Variants in GRIA4 observed in about 807,000 individuals in gnomAD.
The protein encoded by GRIA4 is glutamate ionotropic receptor AMPA type subunit 4, also known as glutamate receptor 4.
Under a neutral mutation model 104.0 loss-of-function variants are expected in GRIA4, and 34 were observed. The ratio of observed to expected loss-of-function variants is 0.33; its 90% CI spans 0.25 to 0.44. GRIA4 has a LOEUF of 0.44. GRIA4 is among the 20% of genes least tolerant of loss of function. The pLI is 1.00. For missense variants in GRIA4, 750 were observed against 1,096.5 expected, an observed-to-expected ratio of 0.68 and a Z score of 4.46; for synonymous variants, 386 against 381.9, an observed-to-expected ratio of 1.01 and a Z score of -0.13.
At chr11:105,776,812 T>G (rs2135757513) in intron 4 of GRIA4, among the ~76,000 whole-genome samples, 1 of 152,274 alleles carries the variant, frequency 6.6e-6, no homozygotes, top group East Asian at 1.9e-4. Context: ...ACTGAAATGC[T>G]TGGGGTCACA....
At chr11:105,958,722 C>G (rs1049964622) in intron 14 of GRIA4, among the ~76,000 whole-genome samples, 2 of 151,918 alleles carry the variant, frequency 1.3e-5, no homozygotes, top group African/African-American at 4.8e-5. Context: ...TGGTAGAATT[C>G]GGTATGGTTT....
intron 3 of GRIA4, among the ~76,000 whole-genome samples, chr11:105,701,487 T>C (rs1214859293): frequency 2.0e-5 from 3 of 152,064 alleles, no homozygotes; most frequent in Admixed American, 6.6e-5. Flanking sequence ...AAGTAAAGCA[T>C]TTCCTTATTT....
intron 3 of GRIA4, among the ~76,000 whole-genome samples, chr11:105,696,586 A>T (rs577951805): frequency 6.6e-6 from 1 of 152,182 alleles, no homozygotes; most frequent in African/African-American, 2.4e-5. Context: ...TATTAAATAC[A>T]ATAGGCACAC....
chr11:105,951,259 A>C (rs971305305), intron 14 of GRIA4, among the ~76,000 whole-genome samples: 1 of 152,370 alleles, frequency 6.6e-6, no homozygotes, highest in African/African-American at 2.4e-5. Context: ...TGGTCCAGGC[A>C]GGGCATCTGC....
intron 3 of GRIA4, among the ~76,000 whole-genome samples, chr11:105,738,256 A>G (rs1939079384): frequency 6.6e-6 from 1 of 152,200 alleles, no homozygotes; most frequent in Non-Finnish European, 1.5e-5. Context: ...CTGTAGATTA[A>G]TTGGGCTAAA....
intron 5 of GRIA4, among the ~76,000 whole-genome samples, chr11:105,866,551 G>GTATA (rs71041633): frequency 0.04 from 3,065 of 76,458 alleles, 93 homozygotes; most frequent in Admixed American, 0.055. Context: ...GTGTGTGTGT[G>GTATA]TATATATATA....
chr11:105,771,930 TAC>T (rs759634418), intron 4 of GRIA4, among the ~76,000 whole-genome samples: 3 of 151,976 alleles, frequency 2.0e-5, no homozygotes, highest in Non-Finnish European at 4.4e-5. Context: ...TATCAAAACT[TAC>T]ACACACACAG....
At chr11:105,823,649 T>C (rs775843334) in intron 4 of GRIA4, among the ~76,000 whole-genome samples, 5 of 152,080 alleles carry the variant, frequency 3.3e-5, no homozygotes, top group Admixed American at 3.3e-4. Context: ...ATGAACAAAG[T>C]ATAATAAGAT....
chr11:105,823,038 T>G (rs1049496128), intron 4 of GRIA4, among the ~76,000 whole-genome samples: 54 of 152,302 alleles, frequency 3.5e-4, no homozygotes, highest in African/African-American at 1.3e-3. Flanking sequence ...AGAATGATAG[T>G]GGTACCAGGC....
intron 4 of GRIA4, among the ~76,000 whole-genome samples, chr11:105,774,840 C>T (rs1027457425): frequency 3.3e-5 from 5 of 152,044 alleles, no homozygotes; most frequent in South Asian, 4.1e-4. Flanking sequence ...TGCATTTTAT[C>T]GACTCTCACA....
At chr11:105,922,777 A>T (rs1947600364) in intron 11 of GRIA4, among the ~76,000 whole-genome samples, 1 of 152,114 alleles carries the variant, frequency 6.6e-6, no homozygotes, top group Non-Finnish European at 1.5e-5. Context: ...AGAAAAAACA[A>T]GAGTAGGTGA....
chr11:105,797,935 C>A, intron 4 of GRIA4: 1 of 391,372 alleles, frequency 2.6e-6, no homozygotes, highest in Non-Finnish European at 5.2e-6. Flanking sequence ...TGAGCTGATG[C>A]CAAGTTTGAA....
chr11:105,924,077 T>A (rs1261341181), intron 11 of GRIA4, among the ~76,000 whole-genome samples: 1 of 152,158 alleles, frequency 6.6e-6, no homozygotes, highest in African/African-American at 2.4e-5. Context: ...CTGTCAAGTC[T>A]CCTCTGCACT....
intron 4 of GRIA4, among the ~76,000 whole-genome samples, chr11:105,756,873 G>A (rs1940341759): frequency 6.6e-6 from 1 of 152,032 alleles, no homozygotes; most frequent in South Asian, 2.1e-4. Flanking sequence ...TTTACCTGTT[G>A]TCAATTACCA....
chr11:105,790,759 A>G (rs376538910), intron 4 of GRIA4, among the ~76,000 whole-genome samples: 15 of 152,356 alleles, frequency 9.8e-5, no homozygotes, highest in South Asian at 4.1e-4. Context: ...GATTTGATAT[A>G]TCAGAAAAGT....
chr11:105,945,867 A>G (rs540594245), intron 14 of GRIA4, among the ~76,000 whole-genome samples: 63 of 152,332 alleles, frequency 4.1e-4, no homozygotes, highest in African/African-American at 1.4e-3. Flanking sequence ...ACTATCAGCC[A>G]AACAATAGTG....
intron 3 of GRIA4, among the ~76,000 whole-genome samples, chr11:105,644,202 G>A (rs933155761): frequency 1.2e-4 from 19 of 152,062 alleles, no homozygotes; most frequent in African/African-American, 3.4e-4. Context: ...AGATTTTTTC[G>A]GAGAAAGTGA....
At chr11:105,677,123 GT>G (rs1952563415) in intron 3 of GRIA4, among the ~76,000 whole-genome samples, 1 of 151,800 alleles carries the variant, frequency 6.6e-6, no homozygotes, top group Admixed American at 6.6e-5. Context: ...AACTTTCACT[GT>G]TTTCAAAAGA....
intron 3 of GRIA4, among the ~76,000 whole-genome samples, chr11:105,634,505 GAAAGAAAGAAGAAAGAAAGAAAGA>G (rs879750191): frequency 0.024 from 1,669 of 69,224 alleles, 21 homozygotes; most frequent in Middle Eastern, 0.049. Context: ...AAGAAAGAAA[GAAAGAAAGAAGAAAGAAAGAAAGA>G]AAAGAAAGAA....
Sources: allele counts gnomAD v4.1 joint callset (sites outside exome capture counted in the v4.1 genomes callset), GRCh38; gene constraint gnomAD v4.1.1; transcripts MANE v1.5; gene names NCBI Gene and HGNC (gene_info 2026-07-23, HGNC 2026-07-21).